Variants in AP3B1 observed in about 807,000 individuals in gnomAD.
AP3B1 encodes adaptor related protein complex 3 subunit beta 1.
Under a neutral mutation model 132.5 loss-of-function variants are expected in AP3B1, and 61 were observed. The ratio of observed to expected loss-of-function variants is 0.46; its 90% CI spans 0.37 to 0.57. The LOEUF (loss-of-function observed/expected upper bound fraction) is 0.57, where lower values mean the gene tolerates loss of function less well. Ranked by LOEUF, AP3B1 falls within the 20% of genes least tolerant of loss-of-function variation. The pLI, the probability that AP3B1 is intolerant of heterozygous loss-of-function variation, is 0.00. For synonymous variants in AP3B1, 388 were observed against 438.3 expected, an observed-to-expected ratio of 0.89 and a Z score of 1.43; for missense variants, 1,120 against 1,289.4, an observed-to-expected ratio of 0.87 and a Z score of 2.01.
chr5:78,236,266 C>A (rs572463911), intron 3 of AP3B1, among the ~76,000 whole-genome samples: 1 of 152,074 alleles, frequency 6.6e-6, no homozygotes, highest in South Asian at 2.1e-4. Context: ...TTTCTGTTTA[C>A]AACAAGAACT....
At chr5:78,222,917 C>T (rs1425399132) in intron 6 of AP3B1, among the ~76,000 whole-genome samples, 1 of 151,940 alleles carries the variant, frequency 6.6e-6, no homozygotes. Flanking sequence ...AGGTACAGTG[C>T]TAGCAATTCT....
At chr5:78,276,865 T>A in intron 1 of AP3B1, among the ~76,000 whole-genome samples, 1 of 139,248 alleles carries the variant, frequency 7.2e-6, no homozygotes, top group African/African-American at 2.6e-5. Context: ...CAAGACCCTG[T>A]CCCTAAAAAA....
rs750844420 is a variant in AP3B1, at chr5:78,163,003, A to C, written c.1231-52T>G. ...ACACACTGGTATTATTGAGTTAACC[A>C]AAACTCCGATTATATTAAACTTTGT... On this transcript the variant is annotated intron_variant, in intron 12 of 26. Transcript: ENST00000255194. 4 of 1,543,338 alleles carry C rather than the reference A, an allele frequency of 2.6e-6. No homozygotes were observed. The South Asian group carries it at 3.3e-5, about 13-fold the overall frequency.
intron 3 of AP3B1, among the ~76,000 whole-genome samples, chr5:78,236,776 T>G (rs1746897074): frequency 6.6e-6 from 1 of 152,178 alleles, no homozygotes; most frequent in Non-Finnish European, 1.5e-5. Flanking sequence ...CACCTATGCC[T>G]CATAATTTTT....
At chr5:78,057,221 T>C (rs1047599843) in intron 22 of AP3B1, among the ~76,000 whole-genome samples, 2 of 152,212 alleles carry the variant, frequency 1.3e-5, no homozygotes, top group Non-Finnish European at 2.9e-5. Context: ...ATCCAATTTA[T>C]GGCAAATTCT....
At chr5:78,047,046 G>A (rs1324281363) in intron 22 of AP3B1, among the ~76,000 whole-genome samples, 1 of 152,056 alleles carries the variant, frequency 6.6e-6, no homozygotes, top group Non-Finnish European at 1.5e-5. Context: ...CTTTTTTATG[G>A]CTGCATAGTA....
At chr5:78,105,370 T>A (rs537002350) in intron 20 of AP3B1, among the ~76,000 whole-genome samples, 2 of 152,296 alleles carry the variant, frequency 1.3e-5, no homozygotes, top group South Asian at 4.1e-4. Context: ...ATAAAAATCC[T>A]GGAAACTTTA....
chr5:78,110,732 A>T (rs1444292848), intron 19 of AP3B1, among the ~76,000 whole-genome samples: 2 of 151,040 alleles, frequency 1.3e-5, no homozygotes, highest in African/African-American at 4.9e-5. Flanking sequence ...GTATACATAC[A>T]TGTATATATA....
At chr5:78,054,929 A>G (rs1465179145) in intron 22 of AP3B1, among the ~76,000 whole-genome samples, 2 of 151,934 alleles carry the variant, frequency 1.3e-5, no homozygotes, top group African/African-American at 4.8e-5. Context: ...AGTTCCAGGT[A>G]CCACAAGTTG....
chr5:78,087,719 C>G, intron 22 of AP3B1: 2 of 983,134 alleles, frequency 2.0e-6, no homozygotes, highest in Non-Finnish European at 2.4e-6. Context: ...AAGGGTGAGT[C>G]TGTCAATTAC....
At chr5:78,155,236 G>C (rs529471292) in intron 14 of AP3B1, among the ~76,000 whole-genome samples, 1 of 152,254 alleles carries the variant, frequency 6.6e-6, no homozygotes, top group South Asian at 2.1e-4. Context: ...TTGTTCTCTT[G>C]TTCTCTTCCC....
At chr5:78,031,275 T>C (rs1229547554) in intron 24 of AP3B1, among the ~76,000 whole-genome samples, 2 of 152,162 alleles carry the variant, frequency 1.3e-5, no homozygotes, top group African/African-American at 4.8e-5. Flanking sequence ...GTGGACGAGA[T>C]ACTAACTGGT....
intron 17 of AP3B1, among the ~76,000 whole-genome samples, chr5:78,125,337 T>G (rs1225229942): frequency 6.6e-6 from 1 of 152,168 alleles, no homozygotes; most frequent in Admixed American, 6.5e-5. Flanking sequence ...AGGTTCCCAG[T>G]CATTTTGATT....
rs1049738875 is a variant in AP3B1, at chr5:78,162,190, T to G, written c.1363+629A>C. 1.5e-4 allele frequency among the ~76,000 whole-genome samples: 23 copies of G among 152,280 alleles called. 1 individual carries two copies. The highest frequency in any genetic ancestry group is 1.5e-4 in the Non-Finnish European group (10 of 67,990). ...AATGGCTCCATTTATTTCAAAGCCTTACCCATAGAAATAACTGACGCTTTG... is the reference window on the plus strand; with the variant it reads ...AATGGCTCCATTTATTTCAAAGCCTGACCCATAGAAATAACTGACGCTTTG... On this transcript the variant is annotated intron_variant, in intron 13 of 26. Transcript: ENST00000255194.
intron 1 of AP3B1, among the ~76,000 whole-genome samples, chr5:78,274,357 TA>T (rs1474625357): frequency 6.8e-6 from 1 of 147,632 alleles, no homozygotes; most frequent in Non-Finnish European, 1.5e-5. Context: ...CACAGAGAAA[TA>T]AAAGAATGGA....
At chr5:78,061,712 C>A (rs1412048231) in intron 22 of AP3B1, among the ~76,000 whole-genome samples, 1 of 152,204 alleles carries the variant, frequency 6.6e-6, no homozygotes, top group African/African-American at 2.4e-5. Context: ...CATATTATCA[C>A]CCATTGACAA....
chr5:78,092,759 C>T (rs181939104), intron 21 of AP3B1, among the ~76,000 whole-genome samples: 38 of 152,124 alleles, frequency 2.5e-4, no homozygotes, highest in Admixed American at 9.2e-4. Context: ...GCAATCCTCC[C>T]GCCTCAGCCT....
At chr5:78,054,994 A>C (rs937900851) in intron 22 of AP3B1, among the ~76,000 whole-genome samples, 9 of 147,252 alleles carry the variant, frequency 6.1e-5, no homozygotes, top group African/African-American at 2.0e-4. Context: ...CTGAGACCAT[A>C]AGACAGACAG....
downstream of AP3B1, chr5:78,001,424 T>TG (rs1746200771): frequency 6.6e-6 from 1 of 152,194 alleles, no homozygotes; most frequent in Non-Finnish European, 1.5e-5. Flanking sequence ...TTCCATACAT[T>TG]GGTACAGAAT....
Sources: allele counts gnomAD v4.1 joint callset (sites outside exome capture counted in the v4.1 genomes callset), GRCh38; gene constraint gnomAD v4.1.1; transcripts MANE v1.5; gene names NCBI Gene and HGNC (gene_info 2026-07-23, HGNC 2026-07-21).